Variants in MED27 observed in about 807,000 individuals in gnomAD.
MED27 encodes mediator of RNA polymerase II transcription subunit 27.
MED27 carries 30 observed loss-of-function variants against 38.2 expected under a neutral mutation model. The ratio of observed to expected loss-of-function variants is 0.79; its 90% confidence interval spans 0.59 to 1.07. The LOEUF (loss-of-function observed/expected upper bound fraction) is 1.07, where lower values mean the gene tolerates loss of function less well. Ranked by LOEUF, MED27 falls within the 50% of genes least tolerant of loss-of-function variation. MED27 has a pLI of 0.00. For synonymous variants in MED27, 122 were observed against 153.5 expected (o/e 0.79, Z 1.52); for missense variants, 289 against 397.5 (o/e 0.73, Z 2.32).
At chr9:131,953,845 CTCTG>C (rs1409699527) in intron 3 of MED27, among the ~76,000 whole-genome samples, 1 of 140,228 alleles carries the variant, frequency 7.1e-6, no homozygotes, top group Non-Finnish European at 1.5e-5. Context: ...GAGATGGAGT[CTCTG>C]TCTGTCACCC....
At chr9:132,044,766 T>A (rs1030741269) in intron 2 of MED27, among the ~76,000 whole-genome samples, 8 of 152,258 alleles carry the variant, frequency 5.3e-5, no homozygotes, top group Admixed American at 1.3e-4. Flanking sequence ...GAAGACACTC[T>A]AATTTTTTTT....
At chr9:132,064,530 A>G (rs569404561) in intron 2 of MED27, among the ~76,000 whole-genome samples, 13 of 152,362 alleles carry the variant, frequency 8.5e-5, no homozygotes, top group South Asian at 4.1e-4. Flanking sequence ...CATGGGCCAC[A>G]AATGTAAGAT....
intron 3 of MED27, among the ~76,000 whole-genome samples, chr9:131,973,457 C>CTTTTTTTTTTTTTTTTTTTTT (rs747946439): frequency 6.5e-5 from 8 of 122,162 alleles, no homozygotes; most frequent in African/African-American, 9.4e-5. Flanking sequence ...TTTTTCTTTT[C>CTTTTTTTTTTTTTTTTTTTTT]TTTTTTTTTT....
chr9:131,910,604 A>G (rs2131536104), intron 4 of MED27, among the ~76,000 whole-genome samples: 1 of 152,306 alleles, frequency 6.6e-6, no homozygotes, highest in African/African-American at 2.4e-5. Context: ...TGGCTTTTTC[A>G]GCATCCTAGG....
intron 4 of MED27, among the ~76,000 whole-genome samples, chr9:131,900,712 CAGTT>C (rs1829928341): frequency 6.6e-6 from 1 of 151,940 alleles, no homozygotes; most frequent in African/African-American, 2.4e-5. Flanking sequence ...AGGGGTTTGT[CAGTT>C]AGACAAATGG....
chr9:131,892,693 A>G (rs116035528), intron 5 of MED27, among the ~76,000 whole-genome samples: 1,909 of 152,280 alleles, frequency 0.013, 45 homozygotes, highest in African/African-American at 0.043. Context: ...GAGGGTATAC[A>G]CTACCCTCAG....
At chr9:131,999,816 AAGG>A (rs1219878879) in intron 3 of MED27, among the ~76,000 whole-genome samples, 2 of 152,114 alleles carry the variant, frequency 1.3e-5, no homozygotes. Context: ...CTGTACAGGA[AAGG>A]AGGTGACAAG....
intron 6 of MED27, among the ~76,000 whole-genome samples, chr9:131,865,914 C>A (rs1838729398): frequency 1.3e-5 from 2 of 152,228 alleles, no homozygotes; most frequent in Middle Eastern, 3.4e-3. Flanking sequence ...CAAAGGGGGC[C>A]CAGCTTCTCC....
chr9:132,014,753 G>A (rs554402042), intron 2 of MED27, among the ~76,000 whole-genome samples: 1 of 152,304 alleles, frequency 6.6e-6, no homozygotes, highest in African/African-American at 2.4e-5. Context: ...GATTAAAATA[G>A]AGAAAGAACT....
chr9:132,027,694 T>G (rs190581216), intron 2 of MED27, among the ~76,000 whole-genome samples: 5,811 of 152,304 alleles, frequency 0.038, 373 homozygotes, highest in African/African-American at 0.13. Flanking sequence ...GATGTGAGTC[T>G]ATTTAAACCT....
chr9:131,900,628 C>G (rs1019290240), intron 4 of MED27, among the ~76,000 whole-genome samples: 5 of 151,844 alleles, frequency 3.3e-5, no homozygotes, highest in Admixed American at 1.3e-4. Context: ...CTTACCTGCA[C>G]GAGGAACCCG....
chr9:131,981,789 G>A lies in MED27; in HGVS notation c.479+32548C>T, dbSNP rs182183506. ...CGGAGCTCAGGGAGAGGGGGCACAC[G>A]GCGGCCAAGGAGGCAACGCACTCTC... On this transcript the variant is annotated intron_variant, in intron 3 of 7. Coordinates refer to ENST00000292035, the MANE Select transcript of MED27 (RefSeq NM_004269.4). 5.3e-5 allele frequency among the ~76,000 whole-genome samples: 8 copies of A among 152,300 alleles called. No homozygotes were observed. In the East Asian group the frequency reaches 7.7e-4, roughly 15 times the overall value.
chr9:131,957,841 G>A (rs1389519832), intron 3 of MED27, among the ~76,000 whole-genome samples: 1 of 151,482 alleles, frequency 6.6e-6, no homozygotes, highest in African/African-American at 2.4e-5. Context: ...CACTTTAGGA[G>A]GTCAAGGTGG....
chr9:132,073,558 C>T, intron 2 of MED27: 2 of 1,372,154 alleles, frequency 1.5e-6, no homozygotes, highest in Non-Finnish European at 1.9e-6. Context: ...ACGATTCCAA[C>T]CCTGTTAGTT....
rs192115368 is a variant in MED27 at position 132,041,440 on chromosome 9, T to C, written c.349-26973A>G. ...TTTGGGAAGAACCAGGTATGGCATG[T>C]AGGGGTAGCACCAAATGAACATTTA... On this transcript the variant is annotated intron_variant, in intron 2 of 7. Coordinates refer to ENST00000292035, the MANE Select transcript of MED27 (RefSeq NM_004269.4). Among the ~76,000 whole-genome samples, 17 of 152,332 alleles carry C rather than the reference T, an allele frequency of 1.1e-4. No individual in the cohort carries two copies. The South Asian group carries it at 3.3e-3, about 30-fold the overall frequency.
chr9:132,009,953 A>G (rs1162290094), intron 3 of MED27, among the ~76,000 whole-genome samples: 1 of 152,330 alleles, frequency 6.6e-6, no homozygotes, highest in Non-Finnish European at 1.5e-5. Context: ...TTCTTTGTAG[A>G]TTCTGGATAT....
At chr9:131,975,827 T>C (rs1023841767) in intron 3 of MED27, among the ~76,000 whole-genome samples, 23 of 152,212 alleles carry the variant, frequency 1.5e-4, no homozygotes, top group Admixed American at 1.3e-4. Context: ...GGGGTTTCAC[T>C]GGCAGGACAC....
rs182989962 is a variant in MED27, at chr9:131,878,424, C to T, written c.723+5634G>A. On this transcript the variant is annotated intron_variant, in intron 6 of 7. Transcript: ENST00000292035. The stretch of plus-strand genomic sequence containing the variant: ...ATTTGCTCACAGCTAAAAGTTCAGA[C>T]GGTGCAGAACTGAAAGGGTTACTCA... Among the ~76,000 whole-genome samples, 8 of 152,306 alleles carry T rather than the reference C, an allele frequency of 5.3e-5. No individual in the cohort carries two copies. In the East Asian group the frequency reaches 9.6e-4, roughly 18 times the overall value.
At position 131,996,561 on chromosome 9, in the gene MED27, T is replaced by C. The variant is rs1832095722; in HGVS notation, c.479+17776A>G. Among the ~76,000 whole-genome samples, 2 of 152,140 alleles carry C rather than the reference T, an allele frequency of 1.3e-5. 1 individual carries two copies. The highest frequency in any genetic ancestry group is 4.2e-4 in the South Asian group (2 of 4,818). ...GGAGGGGCAGCTCCTCAAATGTACG[T>C]AGTAGAATTGTAGAAGTAGAACTGA... On this transcript the variant is annotated intron_variant, in intron 3 of 7. Transcript: ENST00000292035.
Sources: gnomAD v4.1 joint callset for allele counts (sites outside exome capture counted in the v4.1 genomes callset) on GRCh38, gnomAD v4.1.1 for gene constraint, MANE v1.5 for transcripts, NCBI Gene and HGNC (gene_info 2026-07-23, HGNC 2026-07-21) for gene names.